The following MEGF11 variants were observed in gnomAD, a reference collection of about 807,000 sequenced individuals.
The protein encoded by MEGF11 is multiple EGF like domains 11.
MEGF11 carries 126 observed loss-of-function variants against 146.6 expected under a neutral mutation model. The observed-to-expected ratio is 0.86, with a 90% CI of 0.74 to 1.00. MEGF11 has a LOEUF of 1.00. Among genes scored for constraint, MEGF11 ranks in the 50% least tolerant of loss-of-function variants. The probability of loss-of-function intolerance (pLI) is 0.00; values close to 1 mark genes in which losing one functional copy is unlikely to be tolerated. For missense variants in MEGF11, 1,509 were observed against 1,521.2 expected (o/e 0.99, Z 0.13); for synonymous variants, 532 against 583.4 (o/e 0.91, Z 1.27).
chr15:65,948,577 T>C (rs1170336103), intron 10 of MEGF11, among the ~76,000 whole-genome samples: 1 of 152,186 alleles, frequency 6.6e-6, no homozygotes, highest in African/African-American at 2.4e-5. Flanking sequence ...CCAAAGTCCA[T>C]GTCCTTTTGC....
intron 5 of MEGF11, among the ~76,000 whole-genome samples, chr15:66,030,211 A>T (rs960522276): frequency 6.6e-6 from 1 of 152,226 alleles, no homozygotes; most frequent in African/African-American, 2.4e-5. Flanking sequence ...GCCGCATGCA[A>T]AATGGCAGGT....
intron 1 of MEGF11, among the ~76,000 whole-genome samples, chr15:66,231,357 G>C (rs2091963768): frequency 6.6e-6 from 1 of 151,808 alleles, no homozygotes; most frequent in Non-Finnish European, 1.5e-5. Context: ...TCTGCCCAGG[G>C]AGAGGGGACG....
chr15:66,232,544 T>A (rs1370942703), intron 1 of MEGF11, among the ~76,000 whole-genome samples: 1 of 152,104 alleles, frequency 6.6e-6, no homozygotes, highest in Non-Finnish European at 1.5e-5. Flanking sequence ...TCTAAAATCC[T>A]AGCTCTCTCC....
intron 5 of MEGF11, among the ~76,000 whole-genome samples, chr15:66,037,189 C>G (rs922033777): frequency 6.6e-6 from 1 of 152,212 alleles, no homozygotes; most frequent in Non-Finnish European, 1.5e-5. Flanking sequence ...ATCCAGCCCT[C>G]CCATTACACC....
intron 4 of MEGF11, among the ~76,000 whole-genome samples, chr15:66,102,374 G>A (rs1190569121): frequency 2.7e-5 from 4 of 147,758 alleles, no homozygotes; most frequent in Admixed American, 2.0e-4. Context: ...TTTCCATGAT[G>A]AAGACTAGGA....
At chr15:66,220,075 G>A (rs570324246) in intron 1 of MEGF11, among the ~76,000 whole-genome samples, 36 of 152,252 alleles carry the variant, frequency 2.4e-4, no homozygotes, top group African/African-American at 8.2e-4. Flanking sequence ...AAGGCCACGT[G>A]AAGACCATGT....
intron 4 of MEGF11, among the ~76,000 whole-genome samples, chr15:66,117,651 T>C (rs533433890): frequency 1.3e-5 from 2 of 152,312 alleles, no homozygotes; most frequent in South Asian, 4.1e-4. Context: ...TGAGGCTTTG[T>C]GAGTCCCGTG....
chr15:66,080,099 A>C (rs56027285), intron 5 of MEGF11, among the ~76,000 whole-genome samples: 1 of 152,142 alleles, frequency 6.6e-6, no homozygotes. Flanking sequence ...AGAGATGGAC[A>C]TCAAGGCCGG....
intron 10 of MEGF11, among the ~76,000 whole-genome samples, chr15:65,944,772 A>G (rs1011979893): frequency 2.5e-4 from 38 of 152,214 alleles, no homozygotes; most frequent in African/African-American, 8.7e-4. Flanking sequence ...ACAGCCCAGA[A>G]TTTAACACTG....
intron 5 of MEGF11, among the ~76,000 whole-genome samples, chr15:66,074,612 T>C (rs4776714): frequency 0.96 from 146,809 of 152,330 alleles, 70,971 homozygotes; most frequent in East Asian, 1. Context: ...TGTGTGAAAA[T>C]GTATGTGCTG....
In MEGF11 at chr15:65,896,807, C is replaced by T. The variant is rs904581757; in HGVS notation, c.*1127G>A. 3.9e-5 allele frequency: 6 copies of T among 152,316 alleles called. No homozygotes were observed. Among genetic ancestry groups the T allele is most frequent in the African/African-American group, 1.2e-4 (5 of 41,566 alleles). 9.4% of individuals were successfully genotyped at this position (152,316 alleles called of 1,614,324 possible). On this transcript the variant is annotated 3_prime_UTR_variant, in exon 26 of 26. Coordinates refer to ENST00000395614, the MANE Select transcript of MEGF11 (RefSeq NM_001385028.1). ...GGACTTCATATCCTCATGCTGTTTACAGTAACGTTTTTACATCACGTTACA... is the reference window on the plus strand; with the variant it reads ...GGACTTCATATCCTCATGCTGTTTATAGTAACGTTTTTACATCACGTTACA...
At chr15:66,097,112 G>C (rs981993156) in intron 4 of MEGF11, among the ~76,000 whole-genome samples, 1 of 152,140 alleles carries the variant, frequency 6.6e-6, no homozygotes, top group African/African-American at 2.4e-5. Context: ...TCATCGTCCT[G>C]GTATTTTGCC....
chr15:65,929,770 A>C lies in MEGF11; in HGVS notation c.1522T>G (p.Cys508Gly), dbSNP rs1394891270. 2 of 1,555,260 alleles carry C rather than the reference A, an allele frequency of 1.3e-6. No individual in the cohort carries two copies. Among genetic ancestry groups the C allele is most frequent in the Non-Finnish European group, 1.7e-6 (2 of 1,149,202 alleles). ...GAACSPIDGS[C>G]SCTPGWLGDT... ...CCCAGCCAGCCAGGAGTGCAGGAGC[A>C]GGAGCCGTCTATGGGGCTGCAGGCT... The change falls in exon 12 of 26, where the codon TGC (cysteine) becomes GGC (glycine). Residue 508 changes from cysteine (C) to glycine (G), a missense_variant. Coordinates refer to ENST00000395614, the MANE Select transcript of MEGF11 (RefSeq NM_001385028.1).
intron 1 of MEGF11, among the ~76,000 whole-genome samples, chr15:66,212,359 G>A (rs2091482494): frequency 6.6e-6 from 1 of 152,160 alleles, no homozygotes; most frequent in African/African-American, 2.4e-5. Context: ...TCCGCCCTCT[G>A]GATTGTATTC....
At chr15:65,971,682 G>A (rs941215696) in intron 7 of MEGF11, among the ~76,000 whole-genome samples, 1 of 152,144 alleles carries the variant, frequency 6.6e-6, no homozygotes, top group Non-Finnish European at 1.5e-5. Context: ...GATAGTTGAG[G>A]GTCCCATCAG....
intron 15 of MEGF11, among the ~76,000 whole-genome samples, chr15:65,919,564 G>A (rs1043596842): frequency 2.6e-5 from 4 of 152,172 alleles, no homozygotes; most frequent in Non-Finnish European, 4.4e-5. Context: ...ACACAGACAC[G>A]AAGTGTACAC....
intron 4 of MEGF11, among the ~76,000 whole-genome samples, chr15:66,106,376 A>G (rs976198981): frequency 6.6e-6 from 1 of 152,170 alleles, no homozygotes; most frequent in African/African-American, 2.4e-5. Context: ...GTGTAGGGGG[A>G]GCATTTTACA....
In MEGF11 at chr15:66,128,943, TG is replaced by T. The variant is rs775881568; in HGVS notation, c.-8-533del. On this transcript the variant is annotated intron_variant, in intron 1 of 25. Coordinates refer to ENST00000395614, the MANE Select transcript of MEGF11 (RefSeq NM_001385028.1). ...CCCTGAGCTCTGGGCCCACAAGCCA[TG>T]GAAGACTGGATCTTGCTTCTTCTGT... Among the ~76,000 whole-genome samples the T allele has an allele frequency of 3.9e-5, 6 of 152,202 alleles. 1 individual carries two copies. Among genetic ancestry groups the T allele is most frequent in the Non-Finnish European group, 5.9e-5 (4 of 68,028 alleles).
rs145606815 is a variant in MEGF11, at chr15:66,012,579, C to T, written c.395-30091G>A. ...ATTATGATGCAGCAAATTTACCCAACGGCCACGACTGAATTAATTAGGTTC... is the reference window on the plus strand; with the variant it reads ...ATTATGATGCAGCAAATTTACCCAATGGCCACGACTGAATTAATTAGGTTC... On this transcript the variant is annotated intron_variant, in intron 5 of 25. Coordinates refer to ENST00000395614, the MANE Select transcript of MEGF11 (RefSeq NM_001385028.1). Among the ~76,000 whole-genome samples, 73 of 152,336 alleles carry T rather than the reference C, an allele frequency of 4.8e-4. No homozygotes were observed. In the East Asian group the frequency reaches 0.01, roughly 21 times the overall value.
Sources: allele counts gnomAD v4.1 joint callset (sites outside exome capture counted in the v4.1 genomes callset), GRCh38; gene constraint gnomAD v4.1.1; transcripts MANE v1.5; gene names NCBI Gene and HGNC (gene_info 2026-07-23, HGNC 2026-07-21).